UTRN: variants seen among roughly 807,000 people sequenced by gnomAD.
UTRN encodes dystrophin-related protein 1.
In UTRN, 283 loss-of-function variants were observed where a neutral mutation model predicts 463.9. The ratio of observed to expected loss-of-function variants is 0.61; its 90% CI spans 0.55 to 0.67. UTRN has a LOEUF of 0.67. Ranked by LOEUF, UTRN falls within the 30% of genes least tolerant of loss-of-function variation. The pLI, the probability that UTRN is intolerant of heterozygous loss-of-function variation, is 0.00. For synonymous variants in UTRN, 1,442 were observed against 1,431.5 expected, an observed-to-expected ratio of 1.01 and a Z score of -0.17; for missense variants, 3,922 against 4,084.3, an observed-to-expected ratio of 0.96 and a Z score of 1.08.
chr6:144,640,794 G>A (rs1411255946), intron 51 of UTRN, among the ~76,000 whole-genome samples: 1 of 152,068 alleles, frequency 6.6e-6, no homozygotes, highest in Non-Finnish European at 1.5e-5. Context: ...CATTGTTTTT[G>A]AAACCTAAAA....
intron 2 of UTRN, chr6:144,398,676 A>G (rs1172142049): frequency 5.8e-5 from 9 of 155,662 alleles, no homozygotes; most frequent in African/African-American, 2.2e-4. Flanking sequence ...AATACCAGGA[A>G]TAGCTCACTG....
intron 50 of UTRN, among the ~76,000 whole-genome samples, chr6:144,560,142 T>C (rs1799732001): frequency 6.6e-6 from 1 of 152,170 alleles, no homozygotes. Context: ...CCTATGTTAA[T>C]GAATAAACTG....
chr6:144,668,690 T>TC (rs1780678477), intron 51 of UTRN, among the ~76,000 whole-genome samples: 1 of 152,138 alleles, frequency 6.6e-6, no homozygotes, highest in African/African-American at 2.4e-5. Context: ...CTCTGGGGCT[T>TC]CCTTTATAGG....
Position 144,473,777 on chromosome 6 carries a change from C to G in UTRN, c.3124C>G (p.Gln1042Glu), listed in dbSNP as rs763913817. The change falls in exon 24 of 75, where the codon CAG (glutamine) becomes GAG (glutamate). Residue 1042 changes from glutamine to glutamate, a missense_variant. This residue lies in a region of UTRN where 2,349 missense variants were observed against 2,303.8 expected (regional missense o/e 1.02). Transcript: ENST00000367545. ...MDGVKDFLMKQQAAQGDDAGL... is the reference protein window; with the variant it reads ...MDGVKDFLMKEQAAQGDDAGL... The stretch of plus-strand genomic sequence containing the variant: ...TGGCGTGAAAGACTTCTTAATGAAA[C>G]AGCAGGCTGCCCAAGGAGACGACGC... The G allele has an allele frequency of 1.9e-6, 3 of 1,614,114 alleles. No homozygotes were observed. The highest frequency in any genetic ancestry group is 3.3e-4 in the Middle Eastern group (2 of 6,062).
chr6:144,758,977 A>G (rs1040974987), intron 58 of UTRN, among the ~76,000 whole-genome samples: 1 of 152,106 alleles, frequency 6.6e-6, no homozygotes, highest in African/African-American at 2.4e-5. Flanking sequence ...AATGCTAATA[A>G]TCTGCTCTTC....
At chr6:144,350,176 AC>A (rs1319421929) in intron 2 of UTRN, among the ~76,000 whole-genome samples, 1 of 152,152 alleles carries the variant, frequency 6.6e-6, no homozygotes, top group Non-Finnish European at 1.5e-5. Context: ...GCATTTAAAT[AC>A]GTTTTTGACT....
chr6:144,726,956 T>C (rs1419117586), intron 53 of UTRN, among the ~76,000 whole-genome samples: 2 of 152,192 alleles, frequency 1.3e-5, no homozygotes, highest in Non-Finnish European at 2.9e-5. Flanking sequence ...TTTTGAAATC[T>C]AAAAAGAAGT....
At chr6:144,471,693 G>A (rs1790676756) in intron 23 of UTRN, among the ~76,000 whole-genome samples, 2 of 152,146 alleles carry the variant, frequency 1.3e-5, no homozygotes, top group Non-Finnish European at 2.9e-5. Flanking sequence ...AATATATAAG[G>A]GTAGCATGGA....
chr6:144,635,138 GTTTT>G (rs149100143), intron 51 of UTRN, among the ~76,000 whole-genome samples: 44 of 103,094 alleles, frequency 4.3e-4, no homozygotes, highest in African/African-American at 1.5e-3. Flanking sequence ...TTATTTGTGT[GTTTT>G]TTTTTTTTTT....
At chr6:144,714,311 A>G (rs1786128944) in intron 53 of UTRN, among the ~76,000 whole-genome samples, 1 of 152,236 alleles carries the variant, frequency 6.6e-6, no homozygotes, top group South Asian at 2.1e-4. Flanking sequence ...GGAAAAGAGT[A>G]AATTACATTC....
At position 144,782,054 on chromosome 6, in the gene UTRN, A is replaced by T; in HGVS notation, c.8765A>T (p.His2922Leu). Residue 2922 changes from histidine to leucine, a missense_variant, in exon 61 of 75, where the codon CAT becomes CTT. Physicochemically the swap from His to Leu is moderately conservative, Grantham distance 99. Coordinates refer to ENST00000367545, the MANE Select transcript of UTRN (RefSeq NM_007124.3). ...TTTYDGLEQM[H>L]KDLVNVPLCV... ...ACTTATGATGGACTTGAGCAAATGC[A>T]TAAGGACCTGGTCAACGTTCCACTC... 1 of 1,614,066 alleles carries T rather than the reference A, an allele frequency of 6.2e-7. No homozygotes were observed. The highest frequency in any genetic ancestry group is 8.5e-7 in the Non-Finnish European group (1 of 1,179,970).
Position 144,785,628 on chromosome 6 carries a change from C to T in UTRN, c.8834+3505C>T, listed in dbSNP as rs149994031. Among the ~76,000 whole-genome samples the T allele has an allele frequency of 3.4e-3, 513 of 152,216 alleles. 2 individuals carry two copies. The highest frequency in any genetic ancestry group is 0.012 in the African/African-American group (486 of 41,522). On this transcript the variant is annotated intron_variant, in intron 61 of 74. Coordinates refer to ENST00000367545, the MANE Select transcript of UTRN (RefSeq NM_007124.3). Reference sequence around the variant, plus strand: ...GTAAAAAAAATTTATTTTCATCTGTCATGGATGACAAGAATTCAAATTTTT... The same window carrying T: ...GTAAAAAAAATTTATTTTCATCTGTTATGGATGACAAGAATTCAAATTTTT...
intron 51 of UTRN, among the ~76,000 whole-genome samples, chr6:144,599,041 C>T (rs1296671352): frequency 6.6e-6 from 1 of 152,100 alleles, no homozygotes; most frequent in Admixed American, 6.5e-5. Flanking sequence ...TCTTGATTAA[C>T]CTCCCTCGTC....
chr6:144,586,124 T>A (rs1448440803), intron 51 of UTRN, among the ~76,000 whole-genome samples: 1 of 152,110 alleles, frequency 6.6e-6, no homozygotes, highest in Non-Finnish European at 1.5e-5. Flanking sequence ...CTCTTGTTTG[T>A]CAGAAGATAG....
chr6:144,811,178 C>A (rs1291815145), intron 65 of UTRN, among the ~76,000 whole-genome samples: 1 of 151,866 alleles, frequency 6.6e-6, no homozygotes, highest in Non-Finnish European at 1.5e-5. Flanking sequence ...CCGAAAAGAA[C>A]AAAGAAAAAA....
intron 51 of UTRN, among the ~76,000 whole-genome samples, chr6:144,654,121 G>C (rs1255920339): frequency 1.3e-5 from 2 of 152,192 alleles, no homozygotes; most frequent in Non-Finnish European, 2.9e-5. Flanking sequence ...TGGTTCATGT[G>C]GTTAAGTATT....
intron 58 of UTRN, among the ~76,000 whole-genome samples, chr6:144,765,040 G>C (rs1288220933): frequency 6.6e-6 from 1 of 152,098 alleles, no homozygotes. Flanking sequence ...ACGGAGATGA[G>C]GGTAGGGTTG....
chr6:144,628,249 C>CT (rs1776151955), intron 51 of UTRN, among the ~76,000 whole-genome samples: 1 of 152,152 alleles, frequency 6.6e-6, no homozygotes, highest in Non-Finnish European at 1.5e-5. Flanking sequence ...TTAGTCTCTG[C>CT]TTTCATTTCT....
At chr6:144,417,794 G>T (rs1337380767) in intron 3 of UTRN, among the ~76,000 whole-genome samples, 2 of 152,148 alleles carry the variant, frequency 1.3e-5, no homozygotes, top group African/African-American at 2.4e-5. Context: ...ACAACAAAAG[G>T]TAGTTAATTG....
Sources: allele counts gnomAD v4.1 joint callset (sites outside exome capture counted in the v4.1 genomes callset), GRCh38; gene constraint gnomAD v4.1.1; regional missense constraint gnomAD v4.1.1; transcripts MANE v1.5; gene names NCBI Gene and HGNC (gene_info 2026-07-23, HGNC 2026-07-21).